Variants in TSPEAR observed in about 807,000 individuals in gnomAD.
TSPEAR encodes the protein thrombospondin-type laminin G domain and EAR repeat-containing protein.
In TSPEAR, 69 loss-of-function variants were observed where a neutral mutation model predicts 71.6. That is an observed-to-expected ratio of 0.96 (90% confidence interval 0.79 to 1.18). TSPEAR has a LOEUF of 1.18. Ranked by LOEUF, TSPEAR falls within the 50% of genes most tolerant of loss-of-function variation. The pLI, the probability that TSPEAR is intolerant of heterozygous loss-of-function variation, is 0.00. For synonymous variants in TSPEAR, 402 were observed against 387.2 expected (o/e 1.04, Z -0.45); for missense variants, 971 against 894.9 (o/e 1.09, Z -1.09).
intron 2 of TSPEAR, among the ~76,000 whole-genome samples, chr21:44,548,650 C>T (rs148315648): frequency 5.7e-4 from 87 of 152,244 alleles, no homozygotes; most frequent in African/African-American, 1.7e-3. Context: ...AGCCAGGGGA[C>T]GCTGGCCGGG....
intron 6 of TSPEAR, among the ~76,000 whole-genome samples, chr21:44,528,100 C>T (rs1455534523): frequency 2.6e-5 from 4 of 152,146 alleles, no homozygotes; most frequent in Admixed American, 1.3e-4. Flanking sequence ...GGGTACCACG[C>T]GATGCCCAGC....
At chr21:44,663,617 CTT>C (rs1985608907) in intron 1 of TSPEAR, among the ~76,000 whole-genome samples, 1 of 152,014 alleles carries the variant, frequency 6.6e-6, no homozygotes, top group African/African-American at 2.4e-5. Context: ...CCAGCATAAT[CTT>C]GATATCAAAT....
intron 2 of TSPEAR, among the ~76,000 whole-genome samples, chr21:44,551,875 C>T (rs1555919131): frequency 6.6e-6 from 1 of 152,140 alleles, no homozygotes. Flanking sequence ...TCTGCAGGGA[C>T]CTCACAGGGT....
intron 9 of TSPEAR, among the ~76,000 whole-genome samples, chr21:44,514,233 G>C (rs1416494540): frequency 1.3e-5 from 2 of 152,208 alleles, no homozygotes; most frequent in Non-Finnish European, 2.9e-5. Flanking sequence ...CAGGCCTCAT[G>C]AGGGTGCTTA....
rs1239906246 is a variant in TSPEAR, at chr21:44,642,625, C to T, written c.82+68808G>A. Among the ~76,000 whole-genome samples, 2 of 152,068 alleles carry T rather than the reference C, an allele frequency of 1.3e-5. No individual in the cohort carries two copies. Among genetic ancestry groups the T allele is most frequent in the Admixed American group, 6.5e-5 (1 of 15,274 alleles). ...TTGAGAGGCCGAGGCAGGCAGATCA[C>T]GAGGTCAGGAGATCGAGACCATCCT... On this transcript the variant is annotated intron_variant, in intron 1 of 11. Transcript: ENST00000323084. The surrounding 1 kb of genome is among the most constrained non-coding windows in gnomAD (Gnocchi z 4.1).
chr21:44,572,130 C>T (rs587631177), intron 1 of TSPEAR, among the ~76,000 whole-genome samples: 1 of 152,382 alleles, frequency 6.6e-6, no homozygotes, highest in Non-Finnish European at 1.5e-5. Flanking sequence ...GCGATGCCCA[C>T]TCTGACCACG....
At chr21:44,554,629 T>C (rs1555919505) in intron 2 of TSPEAR, among the ~76,000 whole-genome samples, 1 of 152,266 alleles carries the variant, frequency 6.6e-6, no homozygotes, top group Non-Finnish European at 1.5e-5. Context: ...TCTAATACTT[T>C]ACTGCATGCT....
chr21:44,559,879 G>A lies in TSPEAR; in HGVS notation c.303+7906C>T, dbSNP rs139016268. ...GCAGGGCTTTCCAAAATTAGGCCAG[G>A]GGTCCACTGAGTGCTTGGTGGGGGC... On this transcript the variant is annotated intron_variant, in intron 2 of 11. Transcript: ENST00000323084. Among the ~76,000 whole-genome samples the A allele has an allele frequency of 3.7e-3, 570 of 152,300 alleles. 4 individuals are homozygous for A. Among genetic ancestry groups the A allele is most frequent in the African/African-American group, 0.013 (533 of 41,552 alleles).
At position 44,593,402 on chromosome 21, in the gene TSPEAR, T is replaced by C. The variant is rs1258606651; in HGVS notation, c.83-25397A>G. Among the ~76,000 whole-genome samples the C allele has an allele frequency of 2.0e-5, 3 of 152,084 alleles. No individual in the cohort carries two copies. Among genetic ancestry groups the C allele is most frequent in the African/African-American group, 7.2e-5 (3 of 41,410 alleles). Reference sequence around the variant, plus strand: ...CCACCTTAAAATTAAGGGACATCTGTCCAAAGAACCCGCACAGAAGACACA... The same window carrying C: ...CCACCTTAAAATTAAGGGACATCTGCCCAAAGAACCCGCACAGAAGACACA... On this transcript the variant is annotated intron_variant, in intron 1 of 11. Coordinates refer to ENST00000323084, the MANE Select transcript of TSPEAR (RefSeq NM_144991.3). The surrounding 1 kb of genome is among the most constrained non-coding windows in gnomAD (Gnocchi z 5.9).
At chr21:44,523,170 T>C (rs140994559) in intron 8 of TSPEAR, among the ~76,000 whole-genome samples, 2,628 of 144,256 alleles carry the variant, frequency 0.018, 74 homozygotes, top group Non-Finnish European at 0.029. Context: ...GGTCAGTCAG[T>C]CAGCCAGCCA....
chr21:44,637,898 T>G, intron 1 of TSPEAR: 1 of 1,532,410 alleles, frequency 6.5e-7, no homozygotes, highest in Non-Finnish European at 8.9e-7. Context: ...TGTGCCTGTG[T>G]GCTCTGGGGC....
At chr21:44,638,975 C>T in intron 1 of TSPEAR, among the ~76,000 whole-genome samples, 1 of 152,056 alleles carries the variant, frequency 6.6e-6, no homozygotes. Flanking sequence ...ATTGGGACCA[C>T]GCCCTCCCCC....
intron 1 of TSPEAR, among the ~76,000 whole-genome samples, chr21:44,667,976 A>G (rs1555945211): frequency 1.3e-5 from 2 of 152,232 alleles, no homozygotes; most frequent in Non-Finnish European, 2.9e-5. Flanking sequence ...CTGGTGAAAA[A>G]CTGAAGGCTT....
chr21:44,696,929 G>T (rs1987364299), intron 1 of TSPEAR, among the ~76,000 whole-genome samples: 1 of 152,138 alleles, frequency 6.6e-6, no homozygotes, highest in African/African-American at 2.4e-5. Context: ...GAAGCCTGGG[G>T]CCTTGTGCTG....
intron 1 of TSPEAR, among the ~76,000 whole-genome samples, chr21:44,634,998 A>G (rs1356267052): frequency 6.6e-6 from 1 of 152,154 alleles, no homozygotes; most frequent in East Asian, 1.9e-4. Flanking sequence ...TCCCACTCCT[A>G]GGTATATACC....
chr21:44,603,153 G>C (rs145495587), intron 1 of TSPEAR, among the ~76,000 whole-genome samples: 1 of 152,278 alleles, frequency 6.6e-6, no homozygotes, highest in Non-Finnish European at 1.5e-5. Context: ...TCCCTCCCCT[G>C]TGGTGGCCAC....
intron 1 of TSPEAR, among the ~76,000 whole-genome samples, chr21:44,602,973 C>A (rs1981069329): frequency 6.6e-6 from 1 of 152,168 alleles, no homozygotes; most frequent in East Asian, 1.9e-4. Flanking sequence ...CCCAAGCTGC[C>A]CTTCCCAAGC....
chr21:44,593,694 T>C lies in TSPEAR; in HGVS notation c.83-25689A>G, dbSNP rs1569208233. Among the ~76,000 whole-genome samples, 1 of 152,026 alleles carries C rather than the reference T, an allele frequency of 6.6e-6. No individual in the cohort carries two copies. Among genetic ancestry groups the C allele is most frequent in the Non-Finnish European group, 1.5e-5 (1 of 68,012 alleles). ...CAGAGCAGACTCTGGCAATAAGATA[T>C]CAAATTACAAACAGGACCTCAGGCC... On this transcript the variant is annotated intron_variant, in intron 1 of 11. Transcript: ENST00000323084. The surrounding 1 kb of genome is among the most constrained non-coding windows in gnomAD (Gnocchi z 5.9).
chr21:44,628,013 G>C (rs782279790), intron 1 of TSPEAR: 33 of 1,612,966 alleles, frequency 2.0e-5, no homozygotes, highest in Non-Finnish European at 2.5e-5. Context: ...CGCCCGGCCT[G>C]CTACAGCTTC....
Sources: allele counts gnomAD v4.1 joint callset (sites outside exome capture counted in the v4.1 genomes callset), GRCh38; gene constraint gnomAD v4.1.1; non-coding constraint Gnocchi (gnomAD v3.1); transcripts MANE v1.5; gene names NCBI Gene and HGNC (gene_info 2026-07-23, HGNC 2026-07-21).